KCNH1: variants seen among roughly 807,000 people sequenced by gnomAD.
The protein encoded by KCNH1 is potassium voltage-gated channel subfamily H member 1, also known as voltage-gated delayed rectifier potassium channel KCNH1.
Under a neutral mutation model 69.2 loss-of-function variants are expected in KCNH1, and 27 were observed. That is an observed-to-expected ratio of 0.39 (90% confidence interval 0.29 to 0.54). KCNH1 has a LOEUF of 0.54. Ranked by LOEUF, KCNH1 falls within the 20% of genes least tolerant of loss-of-function variation. KCNH1 has a pLI of 0.68. For synonymous variants in KCNH1, 456 were observed against 487.7 expected, an observed-to-expected ratio of 0.93 and a Z score of 0.86; for missense variants, 798 against 1,261.6, an observed-to-expected ratio of 0.63 and a Z score of 5.57.
At chr1:210,948,514 G>A (rs948371788) in intron 6 of KCNH1, among the ~76,000 whole-genome samples, 7 of 152,074 alleles carry the variant, frequency 4.6e-5, no homozygotes, top group Non-Finnish European at 7.3e-5. Flanking sequence ...TGCCATTATA[G>A]TCCAAAAGCA....
At chr1:210,895,599 C>A (rs1228219956) in intron 7 of KCNH1, among the ~76,000 whole-genome samples, 1 of 152,082 alleles carries the variant, frequency 6.6e-6, no homozygotes, top group Non-Finnish European at 1.5e-5. Context: ...CATGTCTCCC[C>A]TTGGCAATAG....
intron 1 of KCNH1, among the ~76,000 whole-genome samples, chr1:211,116,272 G>A (rs1260642462): frequency 2.6e-5 from 4 of 152,038 alleles, no homozygotes; most frequent in African/African-American, 7.2e-5. Context: ...ATCTGGGCAC[G>A]CCATGGCCCA....
intron 6 of KCNH1, among the ~76,000 whole-genome samples, chr1:210,981,574 T>C (rs539006013): frequency 6.6e-6 from 1 of 152,216 alleles, no homozygotes; most frequent in African/African-American, 2.4e-5. Flanking sequence ...TAGCTATAAA[T>C]ACTATCTCTA....
At chr1:210,726,064 T>A (rs1209418573) in intron 10 of KCNH1, among the ~76,000 whole-genome samples, 1 of 152,206 alleles carries the variant, frequency 6.6e-6, no homozygotes, top group Non-Finnish European at 1.5e-5. Context: ...TTATATGCCT[T>A]CTTTTTGACA....
intron 10 of KCNH1, among the ~76,000 whole-genome samples, chr1:210,701,701 C>A (rs1055781836): frequency 1.5e-4 from 23 of 151,728 alleles, no homozygotes; most frequent in Non-Finnish European, 3.4e-4. Context: ...TATTTGAATA[C>A]CTCTATCATG....
intron 7 of KCNH1, among the ~76,000 whole-genome samples, chr1:210,818,028 G>A (rs137858733): frequency 4.6e-5 from 7 of 152,140 alleles, no homozygotes; most frequent in Admixed American, 1.3e-4. Flanking sequence ...AGGCAAATTC[G>A]TCCTGATTTG....
chr1:210,776,134 G>A (rs1574249135), intron 9 of KCNH1, among the ~76,000 whole-genome samples: 1 of 152,100 alleles, frequency 6.6e-6, no homozygotes, highest in Non-Finnish European at 1.5e-5. Context: ...CTTTCTCTGG[G>A]ATGATCCACA....
chr1:210,693,474 A>G (rs970255206), intron 10 of KCNH1, among the ~76,000 whole-genome samples: 4 of 152,240 alleles, frequency 2.6e-5, no homozygotes, highest in South Asian at 2.1e-4. Context: ...AAGAGAGGCC[A>G]GGTAGAAGAC....
chr1:210,722,371 A>G (rs1460529739), intron 10 of KCNH1, among the ~76,000 whole-genome samples: 1 of 152,140 alleles, frequency 6.6e-6, no homozygotes, highest in African/African-American at 2.4e-5. Flanking sequence ...ACCTCCCTCC[A>G]TTATTTGGCC....
intron 6 of KCNH1, among the ~76,000 whole-genome samples, chr1:210,963,124 T>G (rs1448835063): frequency 6.6e-6 from 1 of 151,958 alleles, no homozygotes; most frequent in East Asian, 1.9e-4. Context: ...TTAATTGTAA[T>G]GTGGTCAAAT....
chr1:210,678,855 T>G lies in KCNH1; in HGVS notation c.*4426A>C, dbSNP rs992205880. 3 of 152,160 alleles carry G rather than the reference T, an allele frequency of 2.0e-5. No individual in the cohort carries two copies. Among genetic ancestry groups the G allele is most frequent in the Non-Finnish European group, 4.4e-5 (3 of 68,044 alleles). 9.4% of individuals were successfully genotyped at this position (152,160 alleles called of 1,614,324 possible). ...ATGGATCCGTCGGATGACTCAGAAG[T>G]CACAGATAAAGGGACAGTGGCTGTA... On this transcript the variant is annotated 3_prime_UTR_variant, in exon 11 of 11. Transcript: ENST00000271751.
Position 211,090,602 on chromosome 1 carries a change from T to A in KCNH1, c.399A>T (p.Ile133=), listed in dbSNP as rs1436720111. 1 of 1,608,892 alleles carries A rather than the reference T, an allele frequency of 6.2e-7. No homozygotes were observed. Among genetic ancestry groups the A allele is most frequent in the South Asian group, 1.1e-5 (1 of 89,480 alleles). The change falls in exon 4 of 11, where the codon ATA becomes ATT. Residue 133 remains isoleucine (I), a synonymous_variant. Transcript: ENST00000271751. ...CCTCAATTGGCTGTTTGAAAGCTGT[T>A]ATGTCACTGAAAGTGCAAAGAAATA... ...VVLFLCTFSD[I]TAFKQPIEDD...
intron 1 of KCNH1, among the ~76,000 whole-genome samples, chr1:211,118,833 C>G (rs1691633874): frequency 6.6e-6 from 1 of 152,174 alleles, no homozygotes; most frequent in Non-Finnish European, 1.5e-5. Context: ...CTAACTGAAG[C>G]AATGACTTAG....
At chr1:211,120,571 CA>C in intron 1 of KCNH1, among the ~76,000 whole-genome samples, 1 of 152,028 alleles carries the variant, frequency 6.6e-6, no homozygotes, top group East Asian at 1.9e-4. Context: ...ACAATTTGAA[CA>C]AAAAGTCTTA....
At chr1:210,842,595 G>A (rs12094756) in intron 7 of KCNH1, among the ~76,000 whole-genome samples, 48,859 of 151,952 alleles carry the variant, frequency 0.32, 7,963 homozygotes, top group African/African-American at 0.36. Flanking sequence ...ACTCATACCC[G>A]TGTGTGGTGT....
At chr1:211,124,087 T>C (rs1179488000) in intron 1 of KCNH1, among the ~76,000 whole-genome samples, 1 of 152,230 alleles carries the variant, frequency 6.6e-6, no homozygotes, top group East Asian at 1.9e-4. Context: ...AGGAGCTCTT[T>C]TTCATTTAAA....
chr1:210,797,478 C>G (rs955297119), intron 9 of KCNH1, 30 bp downstream of exon 9: 2 of 1,602,754 alleles, frequency 1.2e-6, no homozygotes, highest in Non-Finnish European at 1.7e-6. Context: ...CCCCAGATAC[C>G]TTTGCCCATC....
intron 6 of KCNH1, among the ~76,000 whole-genome samples, chr1:210,966,603 C>T (rs1282764045): frequency 6.6e-6 from 1 of 152,080 alleles, no homozygotes; most frequent in Non-Finnish European, 1.5e-5. Flanking sequence ...ATGCAGCCAA[C>T]AGACACATGA....
intron 10 of KCNH1, among the ~76,000 whole-genome samples, chr1:210,709,742 A>AGAGAG (rs1682018300): frequency 1.4e-5 from 2 of 144,942 alleles, no homozygotes; most frequent in African/African-American, 5.3e-5. Flanking sequence ...GAGAGAGAGA[A>AGAGAG]AGAGAGAGAG....
Sources: allele counts gnomAD v4.1 joint callset (sites outside exome capture counted in the v4.1 genomes callset), GRCh38; gene constraint gnomAD v4.1.1; transcripts MANE v1.5; gene names NCBI Gene and HGNC (gene_info 2026-07-23, HGNC 2026-07-21).